The following VCL variants were observed in gnomAD, a reference collection of about 807,000 sequenced individuals.
VCL encodes the protein vinculin, also known as epididymis luminal protein 114.
VCL carries 47 observed loss-of-function variants against 125.7 expected under a neutral mutation model. The ratio of observed to expected loss-of-function variants is 0.37; its 90% confidence interval spans 0.30 to 0.48. The LOEUF is 0.48. VCL is among the 20% of genes least tolerant of loss of function. The pLI, the probability that VCL is intolerant of heterozygous loss-of-function variation, is 0.99. For missense variants in VCL, 1,069 were observed against 1,455.5 expected, an observed-to-expected ratio of 0.73 and a Z score of 4.32; for synonymous variants, 458 against 514.6, an observed-to-expected ratio of 0.89 and a Z score of 1.49.
chr10:74,000,269 T>C (rs1386037512), intron 1 of VCL, among the ~76,000 whole-genome samples: 2 of 150,096 alleles, frequency 1.3e-5, no homozygotes, highest in African/African-American at 4.9e-5. Context: ...CTTTTTTTTT[T>C]TTTTTTTTTT....
At chr10:74,030,423 A>C (rs1840854130) in intron 1 of VCL, among the ~76,000 whole-genome samples, 2 of 152,254 alleles carry the variant, frequency 1.3e-5, no homozygotes, top group Admixed American at 6.5e-5. Flanking sequence ...CACTCCTGAC[A>C]TAAATGCTTC....
intron 1 of VCL, among the ~76,000 whole-genome samples, chr10:74,030,208 C>T (rs183166458): frequency 1.2e-4 from 18 of 152,262 alleles, no homozygotes; most frequent in Admixed American, 2.6e-4. Context: ...AAAATGCCGG[C>T]CCTAACTGAA....
chr10:74,119,507 C>T lies in VCL; in HGVS notation c.*1338C>T, dbSNP rs1172542075. The T allele has an allele frequency of 1.3e-5, 2 of 152,126 alleles. No individual in the cohort carries two copies. Among genetic ancestry groups the T allele is most frequent in the African/African-American group, 4.8e-5 (2 of 41,364 alleles). The allele number at this position is 152,126 out of a possible 1,614,324, so 9.4% of individuals were successfully genotyped here. On this transcript the variant is annotated 3_prime_UTR_variant, in exon 22 of 22. Transcript: ENST00000211998. ...GAGTAATGGGTTTCATATTTCTTATCACCACAGTAAGTTCCTACTAGGCAA... is the reference window on the plus strand; with the variant it reads ...GAGTAATGGGTTTCATATTTCTTATTACCACAGTAAGTTCCTACTAGGCAA...
Position 74,083,434 on chromosome 10 carries a change from G to A in VCL, c.943G>A (p.Gly315Ser). The A allele has an allele frequency of 6.2e-7, 1 of 1,614,104 alleles. No homozygotes were observed. The highest frequency in any genetic ancestry group is 8.5e-7 in the Non-Finnish European group (1 of 1,179,988). The stretch of plus-strand genomic sequence containing the variant: ...TGGAAAAGTTGGTGAACTCTGTGCA[G>A]GCAAAGAACGCAGGGAGATTCTGGG... ...EAGKVGELCA[G>S]KERREILGTC... Residue 315 changes from glycine to serine, a missense_variant, in exon 8 of 22, where the codon GGC becomes AGC. By Grantham distance (56) the Gly-to-Ser change is moderately conservative. This residue lies in a region of VCL where 760 missense variants were observed against 928.9 expected (regional missense o/e 0.82). Transcript: ENST00000211998.
chr10:74,055,505 C>G (rs919556907), intron 2 of VCL, among the ~76,000 whole-genome samples: 3 of 151,306 alleles, frequency 2.0e-5, no homozygotes, highest in Non-Finnish European at 4.4e-5. Context: ...TGCTACCATA[C>G]CTGGCTAACT....
intron 1 of VCL, among the ~76,000 whole-genome samples, chr10:74,004,695 A>ATTTCT (rs71524369): frequency 2.7e-4 from 40 of 150,244 alleles, no homozygotes; most frequent in African/African-American, 9.3e-4. Flanking sequence ...ATTTCATAGC[A>ATTTCT]TTTCTTTTCT....
At chr10:74,072,655 T>A in intron 4 of VCL, 75 bp from the exon 5 acceptor site, 1 of 1,609,286 alleles carries the variant, frequency 6.2e-7, no homozygotes, top group Non-Finnish European at 8.5e-7. Context: ...TATTTCATAA[T>A]GGATTTAGAC....
intron 1 of VCL, among the ~76,000 whole-genome samples, chr10:74,026,559 G>C (rs1225115845): frequency 6.6e-6 from 1 of 152,044 alleles, no homozygotes; most frequent in African/African-American, 2.4e-5. Context: ...TTTTTTGAAG[G>C]AGAAAACTGA....
chr10:74,083,336 A>G (rs1251455424), intron 7 of VCL, 30 bp from the exon 8 acceptor site: 6 of 1,612,870 alleles, frequency 3.7e-6, no homozygotes, highest in Non-Finnish European at 4.2e-6. Flanking sequence ...TGTGTCAACA[A>G]TGTAGTTATT....
intron 2 of VCL, among the ~76,000 whole-genome samples, chr10:74,044,699 G>C (rs1591669965): frequency 6.6e-6 from 1 of 152,256 alleles, no homozygotes; most frequent in East Asian, 1.9e-4. Context: ...ATGCACACCA[G>C]CATCCATATA....
chr10:74,108,190 T>G (rs1840167346), intron 17 of VCL, among the ~76,000 whole-genome samples: 1 of 152,206 alleles, frequency 6.6e-6, no homozygotes, highest in East Asian at 1.9e-4. Flanking sequence ...GGTGGGTGTT[T>G]AGAGCTGGGA....
At chr10:74,005,001 G>C (rs1041317394) in intron 1 of VCL, 1 of 152,000 alleles carries the variant, frequency 6.6e-6, no homozygotes, top group Non-Finnish European at 1.5e-5. Flanking sequence ...CACCACGCCT[G>C]ATCCACAGCA....
rs1186240926 is a variant in VCL, at chr10:74,119,514, G to A, written c.*1345G>A. ...GGGTTTCATATTTCTTATCACCACA[G>A]TAAGTTCCTACTAGGCAAAATGAGA... On this transcript the variant is annotated 3_prime_UTR_variant, in exon 22 of 22. Coordinates refer to ENST00000211998, the MANE Select transcript of VCL (RefSeq NM_014000.3). 1 of 152,194 alleles carries A rather than the reference G, an allele frequency of 6.6e-6. No individual in the cohort carries two copies. The highest frequency in any genetic ancestry group is 1.5e-5 in the Non-Finnish European group (1 of 68,044). The allele number at this position is 152,194 out of a possible 1,614,324, so 9.4% of individuals were successfully genotyped here.
intron 1 of VCL, among the ~76,000 whole-genome samples, chr10:74,009,856 C>T (rs1339500290): frequency 6.6e-5 from 10 of 152,100 alleles, no homozygotes; most frequent in Non-Finnish European, 1.3e-4. Flanking sequence ...TGAACCACCC[C>T]CTCGGCCTCC....
At chr10:74,066,063 T>TATATATATATA (rs1297685805) in intron 2 of VCL, among the ~76,000 whole-genome samples, 12,237 of 93,242 alleles carry the variant, frequency 0.13, 537 homozygotes, top group Admixed American at 0.18. Context: ...ATATATATAT[T>TATATATATATA]TTTTTTTTTT....
At chr10:74,027,897 G>A (rs928273656) in intron 1 of VCL, 24 of 152,174 alleles carry the variant, frequency 1.6e-4, no homozygotes, top group African/African-American at 5.5e-4. Context: ...ATGGCTATGA[G>A]GGAAAAAAAC....
At chr10:74,068,242 A>G (rs1200281638) in intron 2 of VCL, among the ~76,000 whole-genome samples, 5 of 152,248 alleles carry the variant, frequency 3.3e-5, no homozygotes, top group Non-Finnish European at 5.9e-5. Context: ...CAGCAGGCTA[A>G]TAACTATTAG....
chr10:74,101,120 TAC>T (rs939008018), intron 14 of VCL, 23 bp downstream of exon 14: 9 of 1,610,506 alleles, frequency 5.6e-6, no homozygotes, highest in African/African-American at 1.3e-5. Context: ...TCATTCCTCA[TAC>T]AGTGTTCAGT....
intron 5 of VCL, 87 bp downstream of exon 5, chr10:74,072,939 T>C: frequency 6.3e-7 from 1 of 1,580,682 alleles, no homozygotes; most frequent in Non-Finnish European, 8.6e-7. Flanking sequence ...TCTTTTGTTT[T>C]CTTTTCTTTT....
Sources: allele counts gnomAD v4.1 joint callset (sites outside exome capture counted in the v4.1 genomes callset), GRCh38; gene constraint gnomAD v4.1.1; regional missense constraint gnomAD v4.1.1; transcripts MANE v1.5; gene names NCBI Gene and HGNC (gene_info 2026-07-23, HGNC 2026-07-21).